Variants in KHDRBS2 observed in about 807,000 individuals in gnomAD.
The protein encoded by KHDRBS2 is KH domain-containing, RNA-binding, signal transduction-associated protein 2.
KHDRBS2 carries 26 observed loss-of-function variants against 44.3 expected under a neutral mutation model. That is an observed-to-expected ratio of 0.59 (90% confidence interval 0.43 to 0.81). KHDRBS2 has a LOEUF of 0.81. Among genes scored for constraint, KHDRBS2 ranks in the 40% least tolerant of loss-of-function variants. KHDRBS2 has a pLI of 0.00. For synonymous variants in KHDRBS2, 194 were observed against 151.1 expected (o/e 1.28, Z -2.08); for missense variants, 476 against 433.1 (o/e 1.10, Z -0.88).
intron 2 of KHDRBS2, among the ~76,000 whole-genome samples, chr6:62,124,755 G>A (rs1808544342): frequency 1.3e-5 from 2 of 152,030 alleles, no homozygotes; most frequent in Admixed American, 6.6e-5. Flanking sequence ...TAGATACTTA[G>A]TACTGGGATT....
At chr6:62,000,195 G>A (rs1384857506) in intron 3 of KHDRBS2, among the ~76,000 whole-genome samples, 1 of 152,046 alleles carries the variant, frequency 6.6e-6, no homozygotes, top group African/African-American at 2.4e-5. Flanking sequence ...GCTTCCTATA[G>A]TGAGTTCTGG....
At chr6:61,815,665 T>C (rs1788801943) in intron 6 of KHDRBS2, among the ~76,000 whole-genome samples, 1 of 152,168 alleles carries the variant, frequency 6.6e-6, no homozygotes, top group Non-Finnish European at 1.5e-5. Flanking sequence ...CTTCTATCCC[T>C]GAAGTAATTA....
At chr6:62,039,536 G>C (rs932001052) in intron 3 of KHDRBS2, among the ~76,000 whole-genome samples, 6 of 151,834 alleles carry the variant, frequency 4.0e-5, no homozygotes, top group African/African-American at 1.4e-4. Flanking sequence ...TAACAATCTG[G>C]TTAAAATAAA....
chr6:62,122,340 G>C (rs1199359923), intron 2 of KHDRBS2, among the ~76,000 whole-genome samples: 2 of 152,126 alleles, frequency 1.3e-5, no homozygotes, highest in Non-Finnish European at 2.9e-5. Context: ...ATCGGGCTTT[G>C]ATAGAAACTG....
Position 61,888,293 on chromosome 6 carries a change from G to A in KHDRBS2, c.810+6342C>T, listed in dbSNP as rs115215478. On this transcript the variant is annotated intron_variant, in intron 6 of 8. Transcript: ENST00000281156. ...TTCTTCCCTATGGTTAGAGGTGACCGATTAGTGCTAGACACCTGACAACCC... is the reference window on the plus strand; with the variant it reads ...TTCTTCCCTATGGTTAGAGGTGACCAATTAGTGCTAGACACCTGACAACCC... Among the ~76,000 whole-genome samples, 120 of 152,208 alleles carry A rather than the reference G, an allele frequency of 7.9e-4. 1 individual carries two copies. The highest frequency in any genetic ancestry group is 2.8e-3 in the African/African-American group (116 of 41,516).
intron 2 of KHDRBS2, among the ~76,000 whole-genome samples, chr6:62,119,019 C>G (rs1806972114): frequency 6.6e-6 from 1 of 152,100 alleles, no homozygotes; most frequent in Non-Finnish European, 1.5e-5. Context: ...GGTTTTGTAC[C>G]TCTAGAGAAT....
At chr6:61,963,821 C>T (rs1009550090) in intron 4 of KHDRBS2, among the ~76,000 whole-genome samples, 3 of 151,852 alleles carry the variant, frequency 2.0e-5, no homozygotes, top group Non-Finnish European at 2.9e-5. Flanking sequence ...GGTTTCTTCT[C>T]GATAACTAAA....
At position 61,681,114 on chromosome 6, in the gene KHDRBS2, T is replaced by C. The variant is rs1409536087; in HGVS notation, c.953-54A>G. 7 of 1,232,910 alleles carry C rather than the reference T, an allele frequency of 5.7e-6. No homozygotes were observed. In the African/African-American group the frequency reaches 7.4e-5, roughly 13 times the overall value. The allele number at this position is 1,232,910 out of a possible 1,614,324, so 76.4% of individuals were successfully genotyped here. A position where few individuals can be genotyped will look rare whatever the true frequency, so the allele number is the denominator to read the frequency against. On this transcript the variant is annotated intron_variant, in intron 8 of 8. Transcript: ENST00000281156. ...CACATGACTTCACAGTTACCAAAAA[T>C]AGTCATTTAAGACACAATAGTTGAC...
chr6:62,106,871 G>C (rs1803503235), intron 2 of KHDRBS2, among the ~76,000 whole-genome samples: 1 of 151,738 alleles, frequency 6.6e-6, no homozygotes, highest in Non-Finnish European at 1.5e-5. Flanking sequence ...ATGCAGAAAA[G>C]GCCTTTGACA....
the KHDRBS2 span, chr6:61,574,283 C>T: frequency 3.6e-6 from 5 of 1,383,916 alleles, no homozygotes; most frequent in Non-Finnish European, 5.0e-6. Context: ...CCTAACCGTG[C>T]AAAGGTAGCA....
At chr6:62,219,315 C>T (rs1830505307) in intron 1 of KHDRBS2, among the ~76,000 whole-genome samples, 2 of 151,672 alleles carry the variant, frequency 1.3e-5, no homozygotes, top group East Asian at 1.9e-4. Flanking sequence ...AAGGAACTAA[C>T]ATAAATTGAA....
intron 7 of KHDRBS2, among the ~76,000 whole-genome samples, 169 bp from the exon 8 acceptor site, chr6:61,697,422 C>T (rs1375844460): frequency 6.6e-5 from 10 of 151,898 alleles, no homozygotes; most frequent in Admixed American, 6.6e-4. Flanking sequence ...AGGTTATTGA[C>T]AAGGAGTGCT....
the KHDRBS2 span, among the ~76,000 whole-genome samples, chr6:61,624,096 G>C: frequency 6.6e-6 from 1 of 152,182 alleles, no homozygotes; most frequent in African/African-American, 2.4e-5. Flanking sequence ...ACATATGGGA[G>C]AGGATACAAA....
At chr6:61,590,594 T>C in the KHDRBS2 span, among the ~76,000 whole-genome samples, 5 of 152,216 alleles carry the variant, frequency 3.3e-5, no homozygotes, top group Non-Finnish European at 7.3e-5. Flanking sequence ...TTTCTCACAG[T>C]AGGACTTCTC....
At chr6:61,905,858 T>TTC (rs1214094751) in intron 4 of KHDRBS2, among the ~76,000 whole-genome samples, 20 of 144,964 alleles carry the variant, frequency 1.4e-4, no homozygotes, top group Non-Finnish European at 3.0e-5. Context: ...ACTTTTCTTT[T>TTC]TTTTTTTTTT....
chr6:61,588,997 T>A, the KHDRBS2 span, among the ~76,000 whole-genome samples: 1 of 151,644 alleles, frequency 6.6e-6, no homozygotes, highest in Non-Finnish European at 1.5e-5. Context: ...TTCTCACTCA[T>A]AAGTGGGAGT....
Position 61,901,360 on chromosome 6 carries a change from A to T in KHDRBS2, c.495T>A (p.Asp165Glu). 1 of 1,612,922 alleles carries T rather than the reference A, an allele frequency of 6.2e-7. No homozygotes were observed. The highest frequency in any genetic ancestry group is 8.5e-7 in the Non-Finnish European group (1 of 1,179,410). ...IKKFLVPDYN[D>E]EIRQEQLREL... ...CACGTAGTTGTTCCTGACGAATTTC[A>T]TCATTGTAGTCCTGGAGAAAAAACA... The change falls in exon 5 of 9, where the codon GAT (aspartate) becomes GAA (glutamate). Residue 165 changes from aspartate to glutamate, a missense_variant. Physicochemically the swap from Asp to Glu is conservative, Grantham distance 45. Coordinates refer to ENST00000281156, the MANE Select transcript of KHDRBS2 (RefSeq NM_152688.4).
intron 6 of KHDRBS2, among the ~76,000 whole-genome samples, chr6:61,822,418 C>A (rs1161001563): frequency 6.6e-6 from 1 of 151,908 alleles, no homozygotes; most frequent in Non-Finnish European, 1.5e-5. Flanking sequence ...TTGACTTTTC[C>A]TCAACTCCAG....
chr6:61,613,272 A>G, the KHDRBS2 span, among the ~76,000 whole-genome samples: 1 of 152,196 alleles, frequency 6.6e-6, no homozygotes, highest in South Asian at 2.1e-4. Context: ...TTCTGCTCCT[A>G]AAATGGTACC....
Sources: allele counts gnomAD v4.1 joint callset (sites outside exome capture counted in the v4.1 genomes callset), GRCh38; gene constraint gnomAD v4.1.1; transcripts MANE v1.5; gene names NCBI Gene and HGNC (gene_info 2026-07-23, HGNC 2026-07-21).